CHD6: variants seen among roughly 807,000 people sequenced by gnomAD.
The protein encoded by CHD6 is ATP-dependent chromatin remodeler CHD6.
Under a neutral mutation model 276.9 loss-of-function variants are expected in CHD6, and 50 were observed. The ratio of observed to expected loss-of-function variants is 0.18; its 90% CI spans 0.14 to 0.23. CHD6 has a LOEUF of 0.23. Ranked by LOEUF, CHD6 falls within the 10% of genes least tolerant of loss-of-function variation. The pLI is 1.00. For synonymous variants in CHD6, 1,173 were observed against 1,229.3 expected (o/e 0.95, Z 0.96); for missense variants, 2,564 against 3,365.8 (o/e 0.76, Z 5.89).
intron 33 of CHD6, 41 bp from the exon 34 acceptor site, chr20:41,415,679 C>A (rs767834703): frequency 3.5e-6 from 5 of 1,440,834 alleles, no homozygotes; most frequent in Admixed American, 2.1e-5. Context: ...GAATGTCACA[C>A]AAGTGGCTGA....
At chr20:41,488,959 A>C (rs2043484853) in intron 12 of CHD6, among the ~76,000 whole-genome samples, 1 of 152,208 alleles carries the variant, frequency 6.6e-6, no homozygotes, top group Non-Finnish European at 1.5e-5. Flanking sequence ...AACCATGCAT[A>C]GTTTGAATGC....
chr20:41,571,602 C>G (rs1466383938), intron 1 of CHD6, among the ~76,000 whole-genome samples: 3 of 151,714 alleles, frequency 2.0e-5, no homozygotes, highest in Non-Finnish European at 4.4e-5. Context: ...GTTGGCCAGG[C>G]TGGTCTCAAA....
At chr20:41,527,497 G>T (rs937335704) in intron 3 of CHD6, among the ~76,000 whole-genome samples, 1 of 152,030 alleles carries the variant, frequency 6.6e-6, no homozygotes, top group African/African-American at 2.4e-5. Context: ...CTAAAGAGCT[G>T]GCTACAGACC....
At position 41,403,984 on chromosome 20, in the gene CHD6, A is replaced by G. The variant is rs2046599071; in HGVS notation, c.*609T>C. 9.5e-7 allele frequency: 1 copy of G among 1,053,436 alleles called. No individual in the cohort carries two copies. Among genetic ancestry groups the G allele is most frequent in the Admixed American group, 5.5e-5 (1 of 18,302 alleles). The allele number at this position is 1,053,436 out of a possible 1,614,324, so 65.3% of individuals were successfully genotyped here. A position where few individuals can be genotyped will look rare whatever the true frequency, so the allele number is the denominator to read the frequency against. ...GTGTCTGAAAAACCACCAAGGGGGA[A>G]ATTATATTACTACCGGTAAGGTTTT... On this transcript the variant is annotated 3_prime_UTR_variant, in exon 37 of 37. Coordinates refer to ENST00000373233, the MANE Select transcript of CHD6 (RefSeq NM_032221.5).
rs61227802 is a variant in CHD6 at position 41,431,776 on chromosome 20, C to CTTTTTTTTTTTTTTTTTTT, written c.4068+5497_4068+5498insAAAAAAAAAAAAAAAAAAA. On this transcript the variant is annotated intron_variant, in intron 27 of 36. Transcript: ENST00000373233. ...AGGAATGACATGATGAAAAAACATG[C>CTTTTTTTTTTTTTTTTTTT]TTTTTTTTTTTTTTTGCTTCATATA... 1.2e-3 allele frequency among the ~76,000 whole-genome samples: 123 copies of CTTTTTTTTTTTTTTTTTTT among 104,718 alleles called. 8 individuals are homozygous for CTTTTTTTTTTTTTTTTTTT. Among genetic ancestry groups the CTTTTTTTTTTTTTTTTTTT allele is most frequent in the East Asian group, 2.3e-3 (7 of 3,034 alleles). The allele number at this position is 104,718 out of a possible 152,430, so 68.7% of individuals were successfully genotyped here.
At chr20:41,582,628 A>T (rs889137457) in intron 1 of CHD6, among the ~76,000 whole-genome samples, 28 of 152,230 alleles carry the variant, frequency 1.8e-4, no homozygotes, top group Admixed American at 1.7e-3. Context: ...GGAAGAACCC[A>T]TATCAAAAGA....
chr20:41,578,319 A>G (rs1021071768), intron 1 of CHD6, among the ~76,000 whole-genome samples: 1 of 152,222 alleles, frequency 6.6e-6, no homozygotes, highest in Non-Finnish European at 1.5e-5. Flanking sequence ...CATTCTTATC[A>G]CAATGATACC....
rs1162242848 is a variant in CHD6 at position 41,404,449 on chromosome 20, T to TCTCAG, written c.*143_*144insCTGAG. The TCTCAG allele has an allele frequency of 2.2e-6, 3 of 1,354,158 alleles. No homozygotes were observed. Among genetic ancestry groups the TCTCAG allele is most frequent in the Non-Finnish European group, 2.8e-6 (3 of 1,052,814 alleles). 83.9% of individuals were successfully genotyped at this position (1,354,158 alleles called of 1,614,324 possible). A position where few individuals can be genotyped will look rare whatever the true frequency, so the allele number is the denominator to read the frequency against. ...AGACCCTGCAACTATTAACATCTGT[T>TCTCAG]ACCATAGTTCTCAGACAGGAAATCA... is the stretch of plus-strand genomic sequence containing the variant. On this transcript the variant is annotated 3_prime_UTR_variant, in exon 37 of 37. Transcript: ENST00000373233.
intron 1 of CHD6, among the ~76,000 whole-genome samples, chr20:41,585,907 C>G (rs1446118386): frequency 6.6e-6 from 1 of 152,144 alleles, no homozygotes; most frequent in Non-Finnish European, 1.5e-5. Context: ...ACTAAGAATT[C>G]CTAAGCCTAG....
chr20:41,597,518 G>T (rs533733221), intron 1 of CHD6, among the ~76,000 whole-genome samples: 1 of 152,112 alleles, frequency 6.6e-6, no homozygotes, highest in African/African-American at 2.4e-5. Flanking sequence ...ATCAGAAGTT[G>T]GAAAGAGGGA....
intron 1 of CHD6, among the ~76,000 whole-genome samples, chr20:41,578,975 T>C (rs2045504717): frequency 1.4e-5 from 2 of 139,852 alleles, no homozygotes; most frequent in Non-Finnish European, 3.1e-5. Context: ...ACTAAAAATA[T>C]AAAAATTAGC....
At position 41,455,992 on chromosome 20, in the gene CHD6, C is replaced by T. The variant is rs764572252; in HGVS notation, c.2830-13G>A. 1.3e-6 allele frequency: 2 copies of T among 1,498,138 alleles called. No individual in the cohort carries two copies. Among genetic ancestry groups the T allele is most frequent in the Non-Finnish European group, 1.8e-6 (2 of 1,123,476 alleles). 92.8% of individuals were successfully genotyped at this position (1,498,138 alleles called of 1,614,324 possible). A position where few individuals can be genotyped will look rare whatever the true frequency, so the allele number is the denominator to read the frequency against. Reference sequence around the variant, plus strand: ...AGAGCTGCTGTACCTGGACAGGTCACCAAAGGCTACTCACAAAGTGGAAAA... The same window carrying T: ...AGAGCTGCTGTACCTGGACAGGTCATCAAAGGCTACTCACAAAGTGGAAAA... On this transcript the variant is annotated splice_polypyrimidine_tract_variant and intron_variant, in intron 18 of 36. Coordinates refer to ENST00000373233, the MANE Select transcript of CHD6 (RefSeq NM_032221.5).
intron 1 of CHD6, among the ~76,000 whole-genome samples, chr20:41,610,317 G>A (rs1043446712): frequency 1.3e-5 from 2 of 152,144 alleles, no homozygotes; most frequent in African/African-American, 2.4e-5. Flanking sequence ...GAGAGGAGAC[G>A]GAGAATATGC....
At chr20:41,497,779 A>G (rs1037345639) in intron 7 of CHD6, 1 of 481,040 alleles carries the variant, frequency 2.1e-6, no homozygotes, top group African/African-American at 1.9e-5. Flanking sequence ...TCATTAACAC[A>G]CATTAGTGAA....
At chr20:41,537,298 CAATT>C (rs2044852897) in intron 2 of CHD6, among the ~76,000 whole-genome samples, 1 of 152,050 alleles carries the variant, frequency 6.6e-6, no homozygotes, top group Non-Finnish European at 1.5e-5. Flanking sequence ...AACAAACAAA[CAATT>C]AAAAATGACA....
chr20:41,421,252 C>T lies in CHD6; in HGVS notation c.5383G>A (p.Ala1795Thr), dbSNP rs1325625298. 6.2e-7 allele frequency: 1 copy of T among 1,614,086 alleles called. No homozygotes were observed. The highest frequency in any genetic ancestry group is 1.7e-5 in the Admixed American group (1 of 60,018). ...SKEGELCCSE[A>T]GQRPENIGQL... ...CCAATGTTTTCAGGTCTCTGTCCTG[C>T]CTCACTGCAGCAGAGCTCCCCTTCC... Residue 1795 changes from alanine to threonine, a missense_variant, in exon 31 of 37, where the codon GCA becomes ACA. Around this residue, in one of 7 missense-constraint regions of CHD6, gnomAD observed 1,024 missense variants for 1,047.9 expected, o/e 0.98. Coordinates refer to ENST00000373233, the MANE Select transcript of CHD6 (RefSeq NM_032221.5).
chr20:41,510,749 C>T (rs2044098368), intron 5 of CHD6, among the ~76,000 whole-genome samples: 1 of 152,154 alleles, frequency 6.6e-6, no homozygotes. Flanking sequence ...CAAATGGCTA[C>T]TAGGAGAAAA....
At position 41,415,239 on chromosome 20, in the gene CHD6, C is replaced by T. The variant is rs2046958265; in HGVS notation, c.6886G>A (p.Gly2296Arg). 6.2e-7 allele frequency: 1 copy of T among 1,614,070 alleles called. No homozygotes were observed. ...RRRGRRKHVE[G>R]GMDLIFLKEQ... ...TTCAAAAAGATGAGGTCCATCCCTCCTTCAACATGTTTCCGCCTCCCTCTC... is the reference window on the plus strand; with the variant it reads ...TTCAAAAAGATGAGGTCCATCCCTCTTTCAACATGTTTCCGCCTCCCTCTC... The change falls in exon 34 of 37, where the codon GGA becomes AGA. Residue 2296 changes from glycine to arginine, a missense_variant. By Grantham distance (125) the Gly-to-Arg change is moderately radical (BLOSUM62 -2). This residue lies in a region of CHD6 where 1,024 missense variants were observed against 1,047.9 expected (regional missense o/e 0.98). Transcript: ENST00000373233.
At chr20:41,526,158 A>C (rs1238792319) in intron 3 of CHD6, among the ~76,000 whole-genome samples, 1 of 152,084 alleles carries the variant, frequency 6.6e-6, no homozygotes, top group African/African-American at 2.4e-5. Context: ...TAAAAAAAAA[A>C]ACAAAAACCC....
Sources: allele counts gnomAD v4.1 joint callset (sites outside exome capture counted in the v4.1 genomes callset), GRCh38; gene constraint gnomAD v4.1.1; regional missense constraint gnomAD v4.1.1; transcripts MANE v1.5; gene names NCBI Gene and HGNC (gene_info 2026-07-23, HGNC 2026-07-21).